The following CRTAC1 variants were observed in gnomAD, a reference collection of about 807,000 sequenced individuals.
The protein encoded by CRTAC1 is acidic secreted protein in cartilage.
A neutral mutation model predicts 67.8 loss-of-function variants in CRTAC1; 37 were observed. The observed-to-expected ratio is 0.55, with a 90% CI of 0.42 to 0.72. The LOEUF (loss-of-function observed/expected upper bound fraction) is 0.72, where lower values mean the gene tolerates loss of function less well. Among genes scored for constraint, CRTAC1 ranks in the 30% least tolerant of loss-of-function variants. The pLI is 0.00. For synonymous variants in CRTAC1, 348 were observed against 371.0 expected (o/e 0.94, Z 0.71); for missense variants, 780 against 931.6 (o/e 0.84, Z 2.12).
intron 1 of CRTAC1, among the ~76,000 whole-genome samples, chr10:98,017,690 A>G (rs887544575): frequency 6.3e-5 from 9 of 142,444 alleles, no homozygotes; most frequent in Non-Finnish European, 1.4e-4. Context: ...GGGTGCTAAC[A>G]CTCCTGGCTA....
rs765528825 is a variant in CRTAC1, at chr10:97,896,937, G to A, written c.1188C>T (p.Asp396=). The change falls in exon 9 of 15, where the codon GAC becomes GAT. Residue 396 remains aspartate, a synonymous_variant. Transcript: ENST00000370597. ...DPLIEELNPG[D]ALEPEGRGTG... is the part of the protein sequence containing the mutation. The stretch of plus-strand genomic sequence containing the variant: ...TGCCCCGGCCCTCAGGCTCCAAGGC[G>A]TCGCCGGGATTGAGCTCCTCGATGA... The A allele has an allele frequency of 2.6e-5, 40 of 1,559,750 alleles. No homozygotes were observed. The highest frequency in any genetic ancestry group is 1.7e-4 in the Middle Eastern group (1 of 5,970).
chr10:97,880,186 C>G, intron 14 of CRTAC1, 63 bp downstream of exon 14: 1 of 1,575,288 alleles, frequency 6.3e-7, no homozygotes, highest in Non-Finnish European at 8.7e-7. Context: ...GGGGCCTACC[C>G]AGAGCTCCCC....
intron 2 of CRTAC1, among the ~76,000 whole-genome samples, chr10:97,993,500 T>C (rs982339013): frequency 3.3e-5 from 5 of 152,198 alleles, no homozygotes; most frequent in African/African-American, 1.2e-4. Flanking sequence ...ATGACTAAGA[T>C]AGCTTGAAGG....
chr10:97,910,462 G>A lies in CRTAC1; in HGVS notation c.716-2315C>T, dbSNP rs377006071. ...CTGCATTCTAACAAGACCCCTGGGT[G>A]GTTTATGTGCGCATTAAAGTTTGAA... is the stretch of plus-strand genomic sequence containing the variant. On this transcript the variant is annotated intron_variant, in intron 5 of 14. Coordinates refer to ENST00000370597, the MANE Select transcript of CRTAC1 (RefSeq NM_018058.7). 9.2e-5 allele frequency among the ~76,000 whole-genome samples: 14 copies of A among 152,262 alleles called. No homozygotes were observed. The East Asian group carries it at 9.6e-4, about 10-fold the overall frequency.
chr10:97,872,273 T>G (rs2050101916), intron 14 of CRTAC1, among the ~76,000 whole-genome samples: 2 of 152,066 alleles, frequency 1.3e-5, no homozygotes, highest in South Asian at 4.2e-4. Context: ...GAGAAGCAGC[T>G]CAGTACCATG....
chr10:98,014,864 G>A (rs1326477149), intron 1 of CRTAC1, among the ~76,000 whole-genome samples: 1 of 152,200 alleles, frequency 6.6e-6, no homozygotes, highest in Non-Finnish European at 1.5e-5. Context: ...GTAAAATAAT[G>A]CAGCTGCTGT....
intron 9 of CRTAC1, 55 bp from the exon 10 acceptor site, chr10:97,896,040 G>C (rs1395968290): frequency 6.7e-7 from 1 of 1,495,970 alleles, no homozygotes; most frequent in Non-Finnish European, 9.3e-7. Flanking sequence ...CCACAAAGGA[G>C]ACACGCTCCC....
At chr10:98,001,369 C>A (rs1031255267) in intron 2 of CRTAC1, among the ~76,000 whole-genome samples, 1 of 152,078 alleles carries the variant, frequency 6.6e-6, no homozygotes, top group African/African-American at 2.4e-5. Flanking sequence ...GGTCACTGGA[C>A]CTGTTTCCTC....
At chr10:97,987,841 G>T (rs1175781465) in intron 2 of CRTAC1, among the ~76,000 whole-genome samples, 1 of 152,108 alleles carries the variant, frequency 6.6e-6, no homozygotes, top group Non-Finnish European at 1.5e-5. Context: ...CTTCCATCTT[G>T]GATCTAGGAA....
intron 2 of CRTAC1, among the ~76,000 whole-genome samples, chr10:97,981,719 C>A (rs1351376668): frequency 1.3e-5 from 2 of 152,144 alleles, no homozygotes; most frequent in Non-Finnish European, 2.9e-5. Flanking sequence ...TTGCAAATTT[C>A]TTCCCAAATT....
At chr10:97,897,056 C>A in intron 8 of CRTAC1, 65 bp from the exon 9 acceptor site, 1 of 1,179,988 alleles carries the variant, frequency 8.5e-7, no homozygotes, top group Non-Finnish European at 1.2e-6. Context: ...GAAGGCCCAC[C>A]TGCTCCATTC....
intron 2 of CRTAC1, among the ~76,000 whole-genome samples, chr10:97,950,246 C>CACAGAG (rs1447953866): frequency 6.3e-3 from 718 of 113,396 alleles, no homozygotes; most frequent in Middle Eastern, 9.3e-3. Context: ...CACACACACA[C>CACAGAG]AGAGAGAGAG....
At chr10:97,884,653 T>C (rs2050256909) in intron 11 of CRTAC1, 1 of 320,648 alleles carries the variant, frequency 3.1e-6, no homozygotes, top group Admixed American at 4.8e-5. Flanking sequence ...AAGAGGTGAA[T>C]TTTCAATTTT....
chr10:97,892,237 G>A (rs1398701748), intron 11 of CRTAC1, among the ~76,000 whole-genome samples: 5 of 152,190 alleles, frequency 3.3e-5, no homozygotes, highest in African/African-American at 1.2e-4. Flanking sequence ...AAGGGACCAA[G>A]TGAGGCCCCT....
At position 97,882,797 on chromosome 10, in the gene CRTAC1, C is replaced by A. The variant is rs1390128854; in HGVS notation, c.1664G>T (p.Gly555Val). 4 of 1,614,212 alleles carry A rather than the reference C, an allele frequency of 2.5e-6. No individual in the cohort carries two copies. The Admixed American group carries it at 5.0e-5, about 20-fold the overall frequency. Residue 555 changes from glycine (G) to valine (V), a missense_variant, in exon 13 of 15, where the codon GGC (glycine) becomes GTC (valine). By Grantham distance (109) the Gly-to-Val change is moderately radical (BLOSUM62 -3). Coordinates refer to ENST00000370597, the MANE Select transcript of CRTAC1 (RefSeq NM_018058.7). Reference sequence around the variant, plus strand: ...TGAAGGCAACTCACCCATGCAATGGCCATTTTCCTGCTGGGAGAATCCTTG... The same window carrying A: ...TGAAGGCAACTCACCCATGCAATGGACATTTTCCTGCTGGGAGAATCCTTG... ...CGQGFSQQEN[G>V]HCMDTNECIQ...
chr10:97,904,975 TA>T (rs1187690830), intron 6 of CRTAC1, among the ~76,000 whole-genome samples, 161 bp from the exon 7 acceptor site: 1 of 152,046 alleles, frequency 6.6e-6, no homozygotes, highest in Non-Finnish European at 1.5e-5. Flanking sequence ...AAGCTCTCTA[TA>T]GGGGCAGGAA....
At chr10:97,940,457 T>C (rs1459892546) in intron 2 of CRTAC1, among the ~76,000 whole-genome samples, 1 of 152,222 alleles carries the variant, frequency 6.6e-6, no homozygotes, top group Non-Finnish European at 1.5e-5. Flanking sequence ...AGGTCCCATG[T>C]TTTGAAGCAG....
At chr10:97,962,753 GCTCT>G (rs2051547101) in intron 2 of CRTAC1, among the ~76,000 whole-genome samples, 1 of 151,274 alleles carries the variant, frequency 6.6e-6, no homozygotes, top group Non-Finnish European at 1.5e-5. Flanking sequence ...AACAACATCT[GCTCT>G]CTCTGTCACC....
At position 97,889,348 on chromosome 10, in the gene CRTAC1, C is replaced by T. The variant is rs578171510; in HGVS notation, c.1487-4997G>A. 2.6e-5 allele frequency among the ~76,000 whole-genome samples: 4 copies of T among 152,046 alleles called. 1 individual carries two copies. In the East Asian group the frequency reaches 7.7e-4, roughly 29 times the overall value. ...GCAACCAGGTTGGCGGTGGGGGAGCCCTCGACCAGGGCCATAAGCAGAAAT... is the reference window on the plus strand; with the variant it reads ...GCAACCAGGTTGGCGGTGGGGGAGCTCTCGACCAGGGCCATAAGCAGAAAT... On this transcript the variant is annotated intron_variant, in intron 11 of 14. Coordinates refer to ENST00000370597, the MANE Select transcript of CRTAC1 (RefSeq NM_018058.7).
Sources: allele counts gnomAD v4.1 joint callset (sites outside exome capture counted in the v4.1 genomes callset), GRCh38; gene constraint gnomAD v4.1.1; transcripts MANE v1.5; gene names NCBI Gene and HGNC (gene_info 2026-07-23, HGNC 2026-07-21).